MBD5: variants seen among roughly 807,000 people sequenced by gnomAD.
MBD5 encodes methyl-CpG binding domain protein 5, also known as methyl-CpG-binding domain protein 5.
A neutral mutation model predicts 117.3 loss-of-function variants in MBD5; 13 were observed. That is an observed-to-expected ratio of 0.11 (90% CI 0.07 to 0.18). MBD5 has a LOEUF of 0.18. Ranked by LOEUF, MBD5 falls within the 10% of genes least tolerant of loss-of-function variation. The pLI is 1.00. For synonymous variants in MBD5, 727 were observed against 766.4 expected, an observed-to-expected ratio of 0.95 and a Z score of 0.85; for missense variants, 1,879 against 2,093.8, an observed-to-expected ratio of 0.90 and a Z score of 2.00.
At chr2:148,063,709 A>G (rs1695103389) in intron 1 of MBD5, among the ~76,000 whole-genome samples, 1 of 151,990 alleles carries the variant, frequency 6.6e-6, no homozygotes, top group Non-Finnish European at 1.5e-5. Flanking sequence ...GGCCTTTCCC[A>G]CCACTGTACA....
chr2:148,415,777 A>G (rs1352207852), intron 4 of MBD5, among the ~76,000 whole-genome samples: 1 of 152,180 alleles, frequency 6.6e-6, no homozygotes, highest in Non-Finnish European at 1.5e-5. Flanking sequence ...TGCTGGTATT[A>G]TAAAATTCTT....
intron 3 of MBD5, among the ~76,000 whole-genome samples, chr2:148,308,696 G>C (rs368554759): frequency 6.6e-6 from 1 of 151,794 alleles, no homozygotes; most frequent in East Asian, 1.9e-4. Flanking sequence ...TTTTGGCATT[G>C]CTTTTGGTAT....
chr2:148,512,273 A>G (rs1335010587), intron 13 of MBD5: 1 of 166,344 alleles, frequency 6.0e-6, no homozygotes, highest in East Asian at 1.6e-4. Context: ...AGTTGTATTA[A>G]CTGCTCCTCC....
chr2:148,257,999 A>G (rs1700630540), intron 3 of MBD5, among the ~76,000 whole-genome samples: 1 of 152,152 alleles, frequency 6.6e-6, no homozygotes, highest in African/African-American at 2.4e-5. Context: ...CTAACTGGCC[A>G]CACTGGAGAA....
intron 4 of MBD5, among the ~76,000 whole-genome samples, chr2:148,444,118 T>A (rs1436395964): frequency 1.6e-5 from 2 of 128,976 alleles, no homozygotes; most frequent in Admixed American, 7.7e-5. Context: ...TTCCTGGAAG[T>A]TGATAAGTGG....
chr2:148,495,875 CAT>C (rs1291105902), intron 11 of MBD5, among the ~76,000 whole-genome samples: 2 of 152,242 alleles, frequency 1.3e-5, no homozygotes, highest in African/African-American at 4.8e-5. Context: ...ATCACACACA[CAT>C]GTGTTTTGAC....
intron 3 of MBD5, among the ~76,000 whole-genome samples, chr2:148,300,253 A>G (rs1701751307): frequency 6.6e-6 from 1 of 152,060 alleles, no homozygotes; most frequent in African/African-American, 2.4e-5. Context: ...ACAGGGTTTC[A>G]TCATGTTGGC....
chr2:148,051,458 T>C (rs1241462624), intron 1 of MBD5, among the ~76,000 whole-genome samples: 2 of 151,910 alleles, frequency 1.3e-5, no homozygotes, highest in Non-Finnish European at 1.5e-5. Context: ...TAGTACAATA[T>C]TGAATAGAAG....
chr2:148,097,085 T>C (rs973298963), intron 1 of MBD5, among the ~76,000 whole-genome samples: 1 of 152,156 alleles, frequency 6.6e-6, no homozygotes, highest in African/African-American at 2.4e-5. Context: ...GAATATTATA[T>C]ACTTATTATA....
chr2:148,412,365 A>C (rs1705285868), intron 4 of MBD5, among the ~76,000 whole-genome samples: 1 of 151,608 alleles, frequency 6.6e-6, no homozygotes. Context: ...AGACAGAGAG[A>C]GAGAGTGAGA....
intron 4 of MBD5, among the ~76,000 whole-genome samples, chr2:148,421,185 G>A (rs138388865): frequency 1.8e-3 from 274 of 152,278 alleles, no homozygotes; most frequent in African/African-American, 5.5e-3. Flanking sequence ...CAAGATTGAC[G>A]CATAAGGCAC....
rs192794655 is a variant in MBD5 at position 148,103,132 on chromosome 2, A to G, written c.-924-75568A>G. Among the ~76,000 whole-genome samples, 582 of 152,258 alleles carry G rather than the reference A, an allele frequency of 3.8e-3. 1 individual carries two copies. Among genetic ancestry groups the G allele is most frequent in the African/African-American group, 0.01 (424 of 41,558 alleles). ...CTCAGATATCCATGTAAGCTACATGAGGAAAATTAAATGTGCTTTATCTGC... is the reference window on the plus strand; with the variant it reads ...CTCAGATATCCATGTAAGCTACATGGGGAAAATTAAATGTGCTTTATCTGC... On this transcript the variant is annotated intron_variant, in intron 1 of 13. Coordinates refer to ENST00000642680, the MANE Select transcript of MBD5 (RefSeq NM_001378120.1).
At chr2:148,387,776 A>G (rs2105498813) in intron 4 of MBD5, among the ~76,000 whole-genome samples, 1 of 152,276 alleles carries the variant, frequency 6.6e-6, no homozygotes. Context: ...TATAGCAACA[A>G]AGATATAAAG....
chr2:148,511,221 T>C (rs530777149), intron 13 of MBD5, among the ~76,000 whole-genome samples: 73 of 152,328 alleles, frequency 4.8e-4, no homozygotes, highest in African/African-American at 1.7e-3. Context: ...ACTGCCAGCA[T>C]AGGTTTTATG....
rs574853370 is a variant in MBD5, at chr2:148,443,207, C to A, written c.-556-14996C>A. Among the ~76,000 whole-genome samples, 64 of 151,326 alleles carry A rather than the reference C, an allele frequency of 4.2e-4. 2 individuals are homozygous for A. Among genetic ancestry groups the A allele is most frequent in the African/African-American group, 1.6e-3 (64 of 40,722 alleles). ...AACTACAGTGAGATACTGTCTCACC[C>A]CAGTTAGAATGGCTTTTATCCAAAA... On this transcript the variant is annotated intron_variant, in intron 4 of 13. Coordinates refer to ENST00000642680, the MANE Select transcript of MBD5 (RefSeq NM_001378120.1).
chr2:148,413,481 G>A (rs1008110397), intron 4 of MBD5, among the ~76,000 whole-genome samples: 7 of 149,230 alleles, frequency 4.7e-5, no homozygotes, highest in Admixed American at 4.7e-4. Flanking sequence ...TTCATAGAGT[G>A]AATTAGGGAA....
intron 12 of MBD5, 99 bp from the exon 13 acceptor site, chr2:148,509,961 C>A (rs913456098): frequency 1.1e-6 from 1 of 934,172 alleles, no homozygotes; most frequent in Non-Finnish European, 1.7e-6. Flanking sequence ...AATTGGCTTT[C>A]TCTCGTGGAA....
rs1456233944 is a variant in MBD5, at chr2:148,021,477, G to A, written c.-1132G>A. Reference sequence around the variant, plus strand: ...TGCTGCTGCTGTTGCTGCTGCTGCTGCTGTTGCTGCTGCTGCTGCTACTGC... The same window carrying A: ...TGCTGCTGCTGTTGCTGCTGCTGCTACTGTTGCTGCTGCTGCTGCTACTGC... On this transcript the variant is annotated 5_prime_UTR_variant, in exon 1 of 14. Coordinates refer to ENST00000642680, the MANE Select transcript of MBD5 (RefSeq NM_001378120.1). The A allele has an allele frequency of 1.7e-6, 1 of 578,714 alleles. No individual in the cohort carries two copies. The highest frequency in any genetic ancestry group is 3.3e-6 in the Non-Finnish European group (1 of 300,528). 35.8% of individuals were successfully genotyped at this position (578,714 alleles called of 1,614,324 possible). A position where few individuals can be genotyped will look rare whatever the true frequency, so the allele number is the denominator to read the frequency against.
chr2:148,404,535 CTTGACTCTTCAGATACG>C (rs1451991284), intron 4 of MBD5, among the ~76,000 whole-genome samples: 1 of 152,156 alleles, frequency 6.6e-6, no homozygotes, highest in East Asian at 1.9e-4. Flanking sequence ...ATTGGTCTCC[CTTGACTCTTCAGATACG>C]TTTCCTCTAC....
Sources: allele counts gnomAD v4.1 joint callset (sites outside exome capture counted in the v4.1 genomes callset), GRCh38; gene constraint gnomAD v4.1.1; transcripts MANE v1.5; gene names NCBI Gene and HGNC (gene_info 2026-07-23, HGNC 2026-07-21).